Variants in TRMT2B observed in about 807,000 individuals in gnomAD.
TRMT2B encodes tRNA (uracil-5-)-methyltransferase homolog B.
A neutral mutation model predicts 39.7 loss-of-function variants in TRMT2B; 34 were observed. That is an observed-to-expected ratio of 0.86 (90% CI 0.65 to 1.14). TRMT2B has a LOEUF of 1.14. Ranked by LOEUF, TRMT2B falls within the 50% of genes most tolerant of loss-of-function variation. The pLI, the probability that TRMT2B is intolerant of heterozygous loss-of-function variation, is 0.00. For missense variants in TRMT2B, 318 were observed against 377.2 expected, an observed-to-expected ratio of 0.84 and a Z score of 1.30; for synonymous variants, 132 against 137.3, an observed-to-expected ratio of 0.96 and a Z score of 0.27.
chrX:101,035,220 A>G (rs1200235446), intron 7 of TRMT2B, among the ~76,000 whole-genome samples: 4 of 111,324 alleles, frequency 3.6e-5, no homozygotes, highest in African/African-American at 1.3e-4. Context: ...AACGTATCAG[A>G]GGCCAAGCTC....
Position 101,023,622 on chromosome X carries a change from A to T in TRMT2B, c.610-6T>A. On this transcript the variant is annotated splice_polypyrimidine_tract_variant and splice_region_variant and intron_variant, in intron 7 of 13. Coordinates refer to ENST00000372936, the MANE Select transcript of TRMT2B (RefSeq NM_024917.6). The stretch of plus-strand genomic sequence containing the variant: ...CGAAGGAATACTTCATAGTACTAGG[A>T]AGAGAACCGAATTATTACACAAGCA... The T allele has an allele frequency of 1.7e-6, 2 of 1,188,973 alleles. No individual in the cohort carries two copies. The highest frequency in any genetic ancestry group is 2.3e-6 in the Non-Finnish European group (2 of 878,653).
rs2087885703 is a variant in TRMT2B, at chrX:101,037,047, C to T, written c.465G>A (p.Lys155=). 1 of 1,210,811 alleles carries T rather than the reference C, an allele frequency of 8.3e-7. No individual in the cohort carries two copies. Among genetic ancestry groups the T allele is most frequent in the Non-Finnish European group, 1.1e-6 (1 of 894,907 alleles). ...PSPVINGYRN[K]STFSVNRGPD... Reference sequence around the variant, plus strand: ...GACCTCGGTTCACAGAGAAGGTGGACTTATTTCGGTAACCATTGATGACAG... The same window carrying T: ...GACCTCGGTTCACAGAGAAGGTGGATTTATTTCGGTAACCATTGATGACAG... The change falls in exon 6 of 14, where the codon AAG becomes AAA. Residue 155 remains lysine (K), a synonymous_variant. Transcript: ENST00000372936.
At chrX:101,017,304 C>T (rs759649591) in intron 13 of TRMT2B, among the ~76,000 whole-genome samples, 3 of 111,585 alleles carry the variant, frequency 2.7e-5, no homozygotes, top group African/African-American at 6.5e-5. Flanking sequence ...AACACCTTCT[C>T]GCTTTCTCAT....
chrX:101,005,592 GAA>G (rs2086094818), downstream of TRMT2B, among the ~76,000 whole-genome samples: 2 of 56,664 alleles, frequency 3.5e-5, no homozygotes, highest in Non-Finnish European at 6.8e-5. Flanking sequence ...TTTTTTTTTT[GAA>G]AAAGACTTTT....
the TRMT2B span, among the ~76,000 whole-genome samples, chrX:100,979,546 C>T: frequency 3.6e-5 from 4 of 111,892 alleles, no homozygotes; most frequent in African/African-American, 1.3e-4. Flanking sequence ...CTCAAAACAA[C>T]TATTTTGAAT....
rs1385265910 is a variant in TRMT2B at position 101,022,942 on chromosome X, T to C, written c.756+528A>G. ...ACCTGGGTTCAAATCCTAGCTTTGCTATTTACTGATTCTTTAACCTTGGGT... is the reference window on the plus strand; with the variant it reads ...ACCTGGGTTCAAATCCTAGCTTTGCCATTTACTGATTCTTTAACCTTGGGT... On this transcript the variant is annotated intron_variant, in intron 8 of 13. Coordinates refer to ENST00000372936, the MANE Select transcript of TRMT2B (RefSeq NM_024917.6). Among the ~76,000 whole-genome samples the C allele has an allele frequency of 2.7e-5, 3 of 112,470 alleles. No homozygotes were observed. The Admixed American group carries it at 2.8e-4, about 11-fold the overall frequency.
Position 101,021,306 on chromosome X carries a change from G to T in TRMT2B, c.861C>A (p.Thr287=). 8.3e-7 allele frequency: 1 copy of T among 1,206,682 alleles called. No homozygotes were observed. Among genetic ancestry groups the T allele is most frequent in the Non-Finnish European group, 1.1e-6 (1 of 892,240 alleles). The part of the protein sequence containing the change: ...TSLYFQESTM[T]RCSHQQSPYQ... ...AGGGAGACTGCTGATGGCTGCAACG[G>T]GTCATGGTACTGGAAAGGAATAAAA... The change falls in exon 10 of 14, where the codon ACC becomes ACA. Residue 287 remains threonine, a synonymous_variant. Coordinates refer to ENST00000372936, the MANE Select transcript of TRMT2B (RefSeq NM_024917.6).
At chrX:100,973,720 T>TG in the TRMT2B span, 1 of 1,210,102 alleles carries the variant, frequency 8.3e-7, no homozygotes, top group African/African-American at 1.7e-5. Context: ...CTGCTGCTCT[T>TG]GCCTAAGGAC....
chrX:100,989,893 C>T, the TRMT2B span, among the ~76,000 whole-genome samples: 2 of 112,868 alleles, frequency 1.8e-5, no homozygotes, highest in Non-Finnish European at 3.7e-5. Flanking sequence ...AGGAGACAGA[C>T]ACTGCTCTGG....
chrX:101,021,378 C>G, intron 9 of TRMT2B, 63 bp from the exon 10 acceptor site: 2 of 1,050,681 alleles, frequency 1.9e-6, no homozygotes, highest in Non-Finnish European at 2.6e-6. Context: ...CCTGTAATCC[C>G]AGCACTTTGG....
chrX:100,983,941 A>G, the TRMT2B span, among the ~76,000 whole-genome samples: 1 of 111,586 alleles, frequency 9.0e-6, no homozygotes, highest in South Asian at 3.7e-4. Flanking sequence ...ATCTAAGACT[A>G]CAAATAAGAA....
chrX:101,017,909 A>G (rs754426322), intron 13 of TRMT2B, among the ~76,000 whole-genome samples: 1 of 112,169 alleles, frequency 8.9e-6, no homozygotes, highest in Non-Finnish European at 1.9e-5. Context: ...TTTGTTCATC[A>G]TGAATTATTT....
chrX:101,024,573 C>G (rs1042065494), intron 7 of TRMT2B, among the ~76,000 whole-genome samples: 1 of 111,016 alleles, frequency 9.0e-6, no homozygotes, highest in African/African-American at 3.3e-5. Context: ...CCTATATTCC[C>G]AGCACTTTGG....
At chrX:101,019,689 A>AGT (rs1404891832) in intron 11 of TRMT2B, among the ~76,000 whole-genome samples, 13 of 106,991 alleles carry the variant, frequency 1.2e-4, no homozygotes, top group Non-Finnish European at 2.3e-4. Flanking sequence ...ACCAGAATGC[A>AGT]GTGGTGCGAT....
At chrX:101,001,234 A>G in the TRMT2B span, among the ~76,000 whole-genome samples, 1 of 110,574 alleles carries the variant, frequency 9.0e-6, no homozygotes, top group Non-Finnish European at 1.9e-5. Flanking sequence ...CCAGGCATCA[A>G]TATTTTTTAT....
the TRMT2B span, among the ~76,000 whole-genome samples, chrX:100,982,281 A>T: frequency 9.1e-6 from 1 of 109,735 alleles, no homozygotes; most frequent in Non-Finnish European, 1.9e-5. Context: ...ACCTGAGGTC[A>T]GGAGTTCGAG....
the TRMT2B span, among the ~76,000 whole-genome samples, chrX:100,996,505 T>A: frequency 9.0e-6 from 1 of 111,709 alleles, no homozygotes; most frequent in Non-Finnish European, 1.9e-5. Context: ...TATGCATATA[T>A]CGAAACATCA....
intron 2 of TRMT2B, among the ~76,000 whole-genome samples, chrX:101,045,976 C>T (rs139966021): frequency 0.08 from 8,542 of 106,321 alleles, 355 homozygotes; most frequent in Admixed American, 0.13. Flanking sequence ...TGAAACCCCG[C>T]CTCTACTAAA....
chrX:101,042,509 G>A (rs986187657), intron 2 of TRMT2B, among the ~76,000 whole-genome samples, 197 bp from the exon 3 acceptor site: 4 of 112,077 alleles, frequency 3.6e-5, no homozygotes, highest in African/African-American at 1.3e-4. Flanking sequence ...AAAGAGATGA[G>A]GAAAATATAG....
Sources: allele counts gnomAD v4.1 joint callset (sites outside exome capture counted in the v4.1 genomes callset), GRCh38; gene constraint gnomAD v4.1.1; transcripts MANE v1.5; gene names NCBI Gene and HGNC (gene_info 2026-07-23, HGNC 2026-07-21).